Variants in RUFY3 observed in about 807,000 individuals in gnomAD.
The protein encoded by RUFY3 is protein RUFY3.
In RUFY3, 34 loss-of-function variants were observed where a neutral mutation model predicts 84.0. The observed-to-expected ratio is 0.40, with a 90% CI of 0.31 to 0.54. The LOEUF (loss-of-function observed/expected upper bound fraction) is 0.54, where lower values mean the gene tolerates loss of function less well. Among genes scored for constraint, RUFY3 ranks in the 20% least tolerant of loss-of-function variants. The pLI is 0.39. For missense variants in RUFY3, 507 were observed against 736.8 expected, an observed-to-expected ratio of 0.69 and a Z score of 3.61; for synonymous variants, 242 against 252.9, an observed-to-expected ratio of 0.96 and a Z score of 0.41.
intron 1 of RUFY3, among the ~76,000 whole-genome samples, chr4:70,753,640 A>G (rs1723493120): frequency 6.6e-6 from 1 of 152,188 alleles, no homozygotes; most frequent in South Asian, 2.1e-4. Flanking sequence ...TTTCCTGGTT[A>G]TGCCAGTGTT....
intron 1 of RUFY3, among the ~76,000 whole-genome samples, chr4:70,739,990 CAAA>C (rs551882326): frequency 4.2e-5 from 2 of 47,682 alleles, no homozygotes; most frequent in Non-Finnish European, 9.4e-5. Flanking sequence ...AACTCCGTCT[CAAA>C]AAAAAAAAAA....
chr4:70,763,106 G>A (rs930203163), intron 2 of RUFY3, among the ~76,000 whole-genome samples: 1 of 152,036 alleles, frequency 6.6e-6, no homozygotes, highest in East Asian at 1.9e-4. Context: ...AACTGGTCTT[G>A]TTCACCCTTG....
upstream of RUFY3, among the ~76,000 whole-genome samples, chr4:70,718,800 C>T (rs540079024): frequency 6.6e-6 from 1 of 152,036 alleles, no homozygotes; most frequent in African/African-American, 2.4e-5. Context: ...TCACTGCAAC[C>T]CCCGCCTCCC....
rs112595819 is a variant in RUFY3 at position 70,779,873 on chromosome 4, C to T, written c.894+1435C>T. Among the ~76,000 whole-genome samples the T allele has an allele frequency of 3.6e-3, 545 of 152,176 alleles. 2 individuals are homozygous for T. Among genetic ancestry groups the T allele is most frequent in the African/African-American group, 0.013 (529 of 41,530 alleles). On this transcript the variant is annotated intron_variant, in intron 8 of 17. Coordinates refer to ENST00000381006, the MANE Select transcript of RUFY3 (RefSeq NM_001037442.4). ...ATAGGCATAGCCACTGCGCCTGGCC[C>T]ACCTTCTTTATTTCTAATTGTAATG... is the stretch of plus-strand genomic sequence containing the variant.
chr4:70,792,630 A>T, intron 12 of RUFY3: 1 of 985,330 alleles, frequency 1.0e-6, no homozygotes, highest in Non-Finnish European at 1.2e-6. Flanking sequence ...GCTTTGCAGC[A>T]TTTCAGCTGC....
intron 7 of RUFY3, among the ~76,000 whole-genome samples, chr4:70,777,204 A>G (rs1209688740): frequency 1.3e-5 from 2 of 152,214 alleles, no homozygotes; most frequent in African/African-American, 4.8e-5. Flanking sequence ...TTTTTGAACC[A>G]CAGTTGAGTG....
At chr4:70,784,443 A>G (rs1195378673) in intron 9 of RUFY3, among the ~76,000 whole-genome samples, 3 of 152,144 alleles carry the variant, frequency 2.0e-5, no homozygotes, top group Non-Finnish European at 1.5e-5. Flanking sequence ...AGATTGAGCC[A>G]CTGCAGTCCA....
rs1724189262 is a variant in RUFY3 at position 70,757,282 on chromosome 4, T to A, written c.179-5237T>A. On this transcript the variant is annotated intron_variant, in intron 1 of 17. Coordinates refer to ENST00000381006, the MANE Select transcript of RUFY3 (RefSeq NM_001037442.4). ...ATAGAGCAAGATCCTGCCTCAAAAA[T>A]CAAAACAAAACAAATGGAACATTTA... 4.0e-5 allele frequency among the ~76,000 whole-genome samples: 6 copies of A among 149,402 alleles called. No individual in the cohort carries two copies. In the South Asian group the frequency reaches 1.3e-3, roughly 32 times the overall value.
chr4:70,763,688 T>G lies in RUFY3; in HGVS notation c.470+19T>G. 2.5e-6 allele frequency: 4 copies of G among 1,601,144 alleles called. No individual in the cohort carries two copies. The highest frequency in any genetic ancestry group is 3.4e-6 in the Non-Finnish European group (4 of 1,175,904). ...GACTTAAGTAAGTCTAAGGTTGAATTCCATTTCTCAGGAACAGCATTCTTA... is the reference window on the plus strand; with the variant it reads ...GACTTAAGTAAGTCTAAGGTTGAATGCCATTTCTCAGGAACAGCATTCTTA... On this transcript the variant is annotated intron_variant, in intron 3 of 17. Coordinates refer to ENST00000381006, the MANE Select transcript of RUFY3 (RefSeq NM_001037442.4).
At chr4:70,759,331 G>T (rs61440043) in intron 1 of RUFY3, among the ~76,000 whole-genome samples, 4,041 of 151,276 alleles carry the variant, frequency 0.027, 76 homozygotes, top group Middle Eastern at 0.048. Context: ...TGAATCATAG[G>T]ATTTCATTCT....
chr4:70,708,577 C>G (rs749178135), intron 1 of RUFY3, among the ~76,000 whole-genome samples: 2 of 152,158 alleles, frequency 1.3e-5, no homozygotes, highest in Non-Finnish European at 2.9e-5. Context: ...ATTTTTAACT[C>G]TCAGTAATGT....
intron 1 of RUFY3, among the ~76,000 whole-genome samples, chr4:70,715,948 C>T (rs2148570418): frequency 6.6e-6 from 1 of 152,016 alleles, no homozygotes; most frequent in East Asian, 2.0e-4. Context: ...CCCATCTGTA[C>T]TAAAAATATA....
intron 1 of RUFY3, among the ~76,000 whole-genome samples, chr4:70,705,856 A>G (rs1325913133): frequency 1.3e-5 from 2 of 152,152 alleles, no homozygotes; most frequent in African/African-American, 4.8e-5. Context: ...CGTTCCTTCC[A>G]TGCCGGTAAA....
chr4:70,704,802 T>C, exon 1 of RUFY3: 1 of 552,186 alleles, frequency 1.8e-6, no homozygotes, highest in East Asian at 4.1e-5. Context: ...CGCCAGCCCG[T>C]GGCCGAGAAG....
chr4:70,748,420 A>C (rs1722581068), intron 1 of RUFY3, among the ~76,000 whole-genome samples: 1 of 152,198 alleles, frequency 6.6e-6, no homozygotes, highest in African/African-American at 2.4e-5. Context: ...GAGATTTATC[A>C]CACTTTTATT....
intron 12 of RUFY3, chr4:70,792,952 GA>G (rs34557478): frequency 0.038 from 37,450 of 985,318 alleles, 743 homozygotes; most frequent in Non-Finnish European, 0.041. Flanking sequence ...CGAGCATTTG[GA>G]AGGAGTGATC....
chr4:70,748,282 A>G (rs558912535), intron 1 of RUFY3, among the ~76,000 whole-genome samples: 3 of 151,580 alleles, frequency 2.0e-5, no homozygotes, highest in Non-Finnish European at 4.4e-5. Context: ...CCCAGTAAGA[A>G]CTCCCTCTTC....
At chr4:70,799,158 AAAAG>A (rs1282960075) in intron 14 of RUFY3, among the ~76,000 whole-genome samples, 2 of 151,834 alleles carry the variant, frequency 1.3e-5, no homozygotes, top group African/African-American at 4.8e-5. Context: ...AAAAAAAAAA[AAAAG>A]AGAAAAGAAA....
At chr4:70,704,795 C>T (rs556911459), upstream of RUFY3, 53 of 524,936 alleles carry the variant, frequency 1.0e-4, no homozygotes, top group African/African-American at 1.0e-3. Context: ...GCCCAGGCGC[C>T]AGCCCGTGGC....
Sources: gnomAD v4.1 joint callset for allele counts (sites outside exome capture counted in the v4.1 genomes callset) on GRCh38, gnomAD v4.1.1 for gene constraint, MANE v1.5 for transcripts, NCBI Gene and HGNC (gene_info 2026-07-23, HGNC 2026-07-21) for gene names.